Variants in RELN observed in about 807,000 individuals in gnomAD.
RELN encodes the protein reelin.
RELN carries 108 observed loss-of-function variants against 427.6 expected under a neutral mutation model. That is an observed-to-expected ratio of 0.25 (90% CI 0.22 to 0.30). The LOEUF is 0.30. Ranked by LOEUF, RELN falls within the 10% of genes least tolerant of loss-of-function variation. RELN has a pLI of 1.00. For synonymous variants in RELN, 1,524 were observed against 1,513.4 expected (o/e 1.01, Z -0.16); for missense variants, 3,715 against 4,302.8 (o/e 0.86, Z 3.82).
chr7:103,612,970 G>T (rs762212983), intron 20 of RELN, among the ~76,000 whole-genome samples: 1 of 152,146 alleles, frequency 6.6e-6, no homozygotes, highest in African/African-American at 2.4e-5. Flanking sequence ...ACTTGTTTCT[G>T]CTACTCTGAA....
At chr7:103,741,656 C>T (rs1431797128) in intron 6 of RELN, among the ~76,000 whole-genome samples, 10 of 101,636 alleles carry the variant, frequency 9.8e-5, no homozygotes, top group African/African-American at 4.3e-4. Flanking sequence ...GAGATGAAAG[C>T]AAGAGAAAGG....
chr7:103,916,440 C>A (rs906023055), intron 2 of RELN, among the ~76,000 whole-genome samples: 5 of 151,978 alleles, frequency 3.3e-5, no homozygotes, highest in Non-Finnish European at 7.4e-5. Flanking sequence ...CTACTTAATC[C>A]CAGCCTGGCA....
chr7:103,945,008 C>T (rs915381354), intron 1 of RELN, among the ~76,000 whole-genome samples: 2 of 152,096 alleles, frequency 1.3e-5, no homozygotes, highest in South Asian at 2.1e-4. Context: ...AAAAAAAACA[C>T]CTACGGATGT....
chr7:103,500,826 G>A lies in RELN; in HGVS notation c.8586C>T (p.Gly2862=). ...LGPGCLDNCR[G]HGDCLREQCI... ...ACTGTTCCCTTAAGCAATCTCCATG[G>A]CCCCTGCAGTTGTCCAAGCATCCAG... Residue 2862 remains glycine (G), a synonymous_variant, in exon 53 of 65, where the codon GGC becomes GGT. Coordinates refer to ENST00000428762, the MANE Select transcript of RELN (RefSeq NM_005045.4). 6.2e-7 allele frequency: 1 copy of A among 1,614,028 alleles called. No individual in the cohort carries two copies. The highest frequency in any genetic ancestry group is 8.5e-7 in the Non-Finnish European group (1 of 1,179,990).
intron 3 of RELN, among the ~76,000 whole-genome samples, chr7:103,805,300 A>G (rs1197671125): frequency 6.6e-6 from 1 of 152,218 alleles, no homozygotes; most frequent in Non-Finnish European, 1.5e-5. Flanking sequence ...AAGACAAAAT[A>G]CATGTAGAGA....
chr7:103,831,861 G>T (rs1454447877), intron 3 of RELN, among the ~76,000 whole-genome samples: 2 of 152,124 alleles, frequency 1.3e-5, no homozygotes, highest in African/African-American at 4.8e-5. Context: ...ACCTTCAGAA[G>T]ATTAACTGGA....
At chr7:103,557,792 T>C (rs1027361511) in intron 37 of RELN, among the ~76,000 whole-genome samples, 173 bp downstream of exon 37, 2 of 152,218 alleles carry the variant, frequency 1.3e-5, no homozygotes, top group East Asian at 1.9e-4. Flanking sequence ...CTTGCCCTTA[T>C]ATTAAGATAA....
At chr7:103,977,959 A>C (rs1422761467) in intron 1 of RELN, among the ~76,000 whole-genome samples, 1 of 152,206 alleles carries the variant, frequency 6.6e-6, no homozygotes, top group Non-Finnish European at 1.5e-5. Context: ...ACAAAAGCTT[A>C]ATACTCTAAT....
intron 16 of RELN, among the ~76,000 whole-genome samples, chr7:103,645,164 C>T (rs895711795): frequency 3.3e-5 from 5 of 151,678 alleles, no homozygotes; most frequent in African/African-American, 1.2e-4. Context: ...TACTCACCAT[C>T]CTAAAAACAA....
chr7:103,612,939 C>G (rs1831994937), intron 20 of RELN, among the ~76,000 whole-genome samples: 1 of 152,162 alleles, frequency 6.6e-6, no homozygotes, highest in Admixed American at 6.5e-5. Context: ...GTCAATCACA[C>G]TAAAGTTTGT....
rs1830123455 is a variant in RELN at position 103,539,242 on chromosome 7, G to T, written c.7016C>A (p.Pro2339Gln). Residue 2339 changes from proline to glutamine, a missense_variant, in exon 45 of 65, where the codon CCA becomes CAA. By Grantham distance (76) the Pro-to-Gln change is moderately conservative (BLOSUM62 -1). Coordinates refer to ENST00000428762, the MANE Select transcript of RELN (RefSeq NM_005045.4). ...TLDSRKWLLH[P>Q]GGTKMPVCGS... is the part of the protein sequence containing the mutation. ...ACACACGGGCATCTTGGTGCCTCCTGGGTGAAGCAGCCATTTCCTACTATC... is the reference window on the plus strand; with the variant it reads ...ACACACGGGCATCTTGGTGCCTCCTTGGTGAAGCAGCCATTTCCTACTATC... The T allele has an allele frequency of 6.2e-7, 1 of 1,614,234 alleles. No individual in the cohort carries two copies. The highest frequency in any genetic ancestry group is 8.5e-7 in the Non-Finnish European group (1 of 1,180,040).
intron 28 of RELN, among the ~76,000 whole-genome samples, chr7:103,584,796 A>C (rs1831231869): frequency 6.6e-6 from 1 of 152,230 alleles, no homozygotes; most frequent in South Asian, 2.1e-4. Context: ...TCTCAAAAAC[A>C]GTCCATATGC....
chr7:103,723,262 G>T (rs1481209314), intron 7 of RELN, 71 bp from the exon 8 acceptor site: 1 of 885,714 alleles, frequency 1.1e-6, no homozygotes, highest in East Asian at 2.5e-5. Flanking sequence ...GCTGGGAGGG[G>T]TACGGGGAGG....
At chr7:103,852,360 G>A (rs1793843318) in intron 2 of RELN, among the ~76,000 whole-genome samples, 1 of 152,104 alleles carries the variant, frequency 6.6e-6, no homozygotes, top group South Asian at 2.1e-4. Flanking sequence ...AACAAAGATT[G>A]TGGAGACAAA....
chr7:103,763,172 C>T (rs527975351), intron 4 of RELN, among the ~76,000 whole-genome samples: 4 of 152,262 alleles, frequency 2.6e-5, no homozygotes, highest in Non-Finnish European at 4.4e-5. Context: ...TTAGGCTACT[C>T]CTAGTAAAGT....
At chr7:103,482,632 AC>A (rs1282780793) in intron 63 of RELN, among the ~76,000 whole-genome samples, 7 of 152,192 alleles carry the variant, frequency 4.6e-5, no homozygotes, top group African/African-American at 1.7e-4. Flanking sequence ...AATATTGTCA[AC>A]CCTTAAATAA....
chr7:103,570,596 C>T (rs1830859342), intron 31 of RELN, among the ~76,000 whole-genome samples: 1 of 152,226 alleles, frequency 6.6e-6, no homozygotes, highest in Non-Finnish European at 1.5e-5. Flanking sequence ...CAGGGATCTA[C>T]CCTTAGGTGG....
At chr7:103,800,432 T>C (rs1250757619) in intron 3 of RELN, among the ~76,000 whole-genome samples, 1 of 152,140 alleles carries the variant, frequency 6.6e-6, no homozygotes, top group Non-Finnish European at 1.5e-5. Context: ...ACCACACATC[T>C]ACAACCATCT....
intron 15 of RELN, 24 bp downstream of exon 15, chr7:103,651,637 A>G (rs1440017786): frequency 1.9e-6 from 3 of 1,606,274 alleles, no homozygotes; most frequent in African/African-American, 2.7e-5. Flanking sequence ...AAGTATTTCA[A>G]TATCTCAGAG....
Sources: allele counts gnomAD v4.1 joint callset (sites outside exome capture counted in the v4.1 genomes callset), GRCh38; gene constraint gnomAD v4.1.1; transcripts MANE v1.5; gene names NCBI Gene and HGNC (gene_info 2026-07-23, HGNC 2026-07-21).